The following ZFAND3 variants were observed in gnomAD, a reference collection of about 807,000 sequenced individuals.
The protein encoded by ZFAND3 is AN1-type zinc finger protein 3.
Under a neutral mutation model 29.6 loss-of-function variants are expected in ZFAND3, and 10 were observed. That is an observed-to-expected ratio of 0.34 (90% CI 0.21 to 0.57). ZFAND3 has a LOEUF of 0.57. ZFAND3 is among the 20% of genes least tolerant of loss of function. The pLI, the probability that ZFAND3 is intolerant of heterozygous loss-of-function variation, is 0.86. For missense variants in ZFAND3, 230 were observed against 304.5 expected (o/e 0.76, Z 1.82); for synonymous variants, 128 against 112.6 (o/e 1.14, Z -0.87).
chr6:38,097,137 G>A (rs919985873), intron 4 of ZFAND3, among the ~76,000 whole-genome samples: 12 of 151,986 alleles, frequency 7.9e-5, no homozygotes, highest in East Asian at 1.9e-4. Context: ...GTGCAGTGGC[G>A]TGATCACCGC....
At chr6:37,880,454 C>G (rs1482885867) in intron 1 of ZFAND3, among the ~76,000 whole-genome samples, 1 of 152,192 alleles carries the variant, frequency 6.6e-6, no homozygotes, top group East Asian at 1.9e-4. Context: ...GAGAATCTTT[C>G]ACCAGAGATG....
At chr6:37,838,206 A>C (rs1764004442) in intron 1 of ZFAND3, among the ~76,000 whole-genome samples, 1 of 152,224 alleles carries the variant, frequency 6.6e-6, no homozygotes, top group African/African-American at 2.4e-5. Flanking sequence ...ATCATTTTCT[A>C]GTTATGAAGG....
intron 2 of ZFAND3, among the ~76,000 whole-genome samples, chr6:38,005,580 G>T (rs539788523): frequency 1.3e-4 from 20 of 152,266 alleles, no homozygotes; most frequent in African/African-American, 3.9e-4. Context: ...GAGCACTTGG[G>T]CAAGTCATTT....
intron 1 of ZFAND3, among the ~76,000 whole-genome samples, chr6:37,850,984 C>T (rs1290158083): frequency 2.0e-5 from 3 of 151,614 alleles, no homozygotes; most frequent in African/African-American, 4.8e-5. Flanking sequence ...GTCTCTCCCT[C>T]CTTGCCATCA....
chr6:37,956,907 A>G (rs1053676893), intron 2 of ZFAND3, among the ~76,000 whole-genome samples: 1 of 152,166 alleles, frequency 6.6e-6, no homozygotes, highest in Non-Finnish European at 1.5e-5. Flanking sequence ...GTCCTTCGGG[A>G]TTGCAAAGCC....
At chr6:37,984,356 T>C (rs2127433534) in intron 2 of ZFAND3, among the ~76,000 whole-genome samples, 1 of 152,338 alleles carries the variant, frequency 6.6e-6, no homozygotes, top group East Asian at 1.9e-4. Flanking sequence ...AAGGTAAAAC[T>C]GTCCAGGTTT....
At chr6:38,069,140 A>G (rs1295020507) in intron 3 of ZFAND3, among the ~76,000 whole-genome samples, 1 of 152,220 alleles carries the variant, frequency 6.6e-6, no homozygotes, top group Non-Finnish European at 1.5e-5. Flanking sequence ...TACCAATTAA[A>G]TTTCTAATAA....
At chr6:38,084,301 G>T (rs1399566496) in intron 4 of ZFAND3, among the ~76,000 whole-genome samples, 1 of 152,190 alleles carries the variant, frequency 6.6e-6, no homozygotes, top group Non-Finnish European at 1.5e-5. Context: ...TCTGGTTTCA[G>T]ATCTAAGCTT....
At chr6:38,021,738 TG>T (rs1763355735) in intron 2 of ZFAND3, among the ~76,000 whole-genome samples, 1 of 152,232 alleles carries the variant, frequency 6.6e-6, no homozygotes, top group South Asian at 2.1e-4. Flanking sequence ...AGAGCAGGGC[TG>T]CTGTTATATA....
chr6:37,941,827 A>C (rs1024840625), intron 2 of ZFAND3, among the ~76,000 whole-genome samples: 5 of 151,792 alleles, frequency 3.3e-5, no homozygotes, highest in African/African-American at 9.7e-5. Context: ...ATGGAAAAAA[A>C]CTCCTGTTTT....
chr6:37,930,037 T>C, intron 2 of ZFAND3, 38 bp downstream of exon 2: 1 of 1,544,714 alleles, frequency 6.5e-7, no homozygotes, highest in South Asian at 1.2e-5. Flanking sequence ...TTACTTTCAT[T>C]TTTCTTTCTT....
At chr6:37,938,110 G>A (rs1761736929) in intron 2 of ZFAND3, among the ~76,000 whole-genome samples, 1 of 151,954 alleles carries the variant, frequency 6.6e-6, no homozygotes, top group Admixed American at 6.6e-5. Flanking sequence ...ATTATGAATG[G>A]GCATTTATAT....
intron 2 of ZFAND3, among the ~76,000 whole-genome samples, chr6:37,946,598 G>T (rs1415996604): frequency 2.0e-5 from 3 of 152,046 alleles, no homozygotes; most frequent in African/African-American, 4.8e-5. Context: ...GATCAGGGTT[G>T]GGGGAGAGGG....
At chr6:38,071,248 C>G (rs1367862742) in intron 3 of ZFAND3, among the ~76,000 whole-genome samples, 1 of 151,858 alleles carries the variant, frequency 6.6e-6, no homozygotes, top group Non-Finnish European at 1.5e-5. Context: ...GTCTGTTGGT[C>G]TTTTGTCTTC....
At chr6:38,142,746 T>C (rs1765989730) in intron 5 of ZFAND3, among the ~76,000 whole-genome samples, 1 of 152,200 alleles carries the variant, frequency 6.6e-6, no homozygotes, top group South Asian at 2.1e-4. Context: ...TAGGGGTTTT[T>C]GGACCCTAAA....
intron 1 of ZFAND3, among the ~76,000 whole-genome samples, chr6:37,916,502 A>C (rs1457355364): frequency 1.6e-5 from 1 of 63,472 alleles, no homozygotes; most frequent in Non-Finnish European, 5.1e-5. Context: ...TACTAAAAAT[A>C]AAAAAAAATT....
At chr6:37,957,568 A>G (rs1762106274) in intron 2 of ZFAND3, among the ~76,000 whole-genome samples, 1 of 152,012 alleles carries the variant, frequency 6.6e-6, no homozygotes, top group Non-Finnish European at 1.5e-5. Flanking sequence ...GGTCATCTAG[A>G]TTTGTTTTTT....
intron 1 of ZFAND3, among the ~76,000 whole-genome samples, chr6:37,884,582 C>G (rs1764957430): frequency 7.1e-6 from 1 of 141,452 alleles, no homozygotes; most frequent in Non-Finnish European, 1.5e-5. Context: ...TCCAGTGTGG[C>G]TTCAAGCTCC....
In ZFAND3 at chr6:38,048,621, C is replaced by CA. The variant is rs70981521; in HGVS notation, c.113-12959dup. 1.1e-4 allele frequency among the ~76,000 whole-genome samples: 6 copies of CA among 56,282 alleles called. 2 individuals are homozygous for CA. The highest frequency in any genetic ancestry group is 1.8e-4 in the Non-Finnish European group (6 of 32,794). 36.9% of individuals were successfully genotyped at this position (56,282 alleles called of 152,430 possible). ...TGGGTGACAGAGTGAGACTCCGTCT[C>CA]AAAAAAAAAAAAATTCAATGCCTGT... On this transcript the variant is annotated intron_variant, in intron 2 of 5. Coordinates refer to ENST00000287218, the MANE Select transcript of ZFAND3 (RefSeq NM_021943.3).
Sources: allele counts gnomAD v4.1 joint callset (sites outside exome capture counted in the v4.1 genomes callset), GRCh38; gene constraint gnomAD v4.1.1; transcripts MANE v1.5; gene names NCBI Gene and HGNC (gene_info 2026-07-23, HGNC 2026-07-21).